The following CNTNAP4 variants were observed in gnomAD, a reference collection of about 807,000 sequenced individuals.
The protein encoded by CNTNAP4 is contactin-associated protein-like 4.
A neutral mutation model predicts 148.4 loss-of-function variants in CNTNAP4; 98 were observed. The observed-to-expected ratio is 0.66, with a 90% CI of 0.56 to 0.78. The LOEUF (loss-of-function observed/expected upper bound fraction) is 0.78. Among genes scored for constraint, CNTNAP4 ranks in the 30% least tolerant of loss-of-function variants. The probability of loss-of-function intolerance (pLI) is 0.00; values close to 1 mark genes in which losing one functional copy is unlikely to be tolerated. For missense variants in CNTNAP4, 1,935 were observed against 1,565.6 expected (o/e 1.24, Z -3.98); for synonymous variants, 730 against 565.1 (o/e 1.29, Z -4.14).
intron 15 of CNTNAP4, among the ~76,000 whole-genome samples, chr16:76,516,003 C>A (rs928832423): frequency 6.6e-6 from 1 of 152,106 alleles, no homozygotes; most frequent in African/African-American, 2.4e-5. Context: ...TGTGTATGTG[C>A]CACAGGCGTT....
At chr16:76,530,939 C>G (rs76020508) in intron 17 of CNTNAP4, among the ~76,000 whole-genome samples, 1 of 152,278 alleles carries the variant, frequency 6.6e-6, no homozygotes, top group East Asian at 1.9e-4. Flanking sequence ...TCCCTTCAAT[C>G]TCCTGACTTG....
chr16:76,359,420 G>A (rs2013129782), intron 3 of CNTNAP4, among the ~76,000 whole-genome samples: 1 of 151,542 alleles, frequency 6.6e-6, no homozygotes. Context: ...ATGCTGCAGG[G>A]AAAATTCTTC....
At chr16:76,284,307 T>G (rs1958799360) in intron 1 of CNTNAP4, among the ~76,000 whole-genome samples, 1 of 151,868 alleles carries the variant, frequency 6.6e-6, no homozygotes, top group Admixed American at 6.6e-5. Flanking sequence ...CAGTTAGGAA[T>G]ATTTAGGAAT....
intron 17 of CNTNAP4, among the ~76,000 whole-genome samples, chr16:76,525,589 T>A (rs923285584): frequency 6.8e-6 from 1 of 146,262 alleles, no homozygotes; most frequent in Non-Finnish European, 1.5e-5. Flanking sequence ...ATATAAAAAA[T>A]TTTATATAAC....
chr16:76,394,086 C>A (rs1487258985), intron 3 of CNTNAP4, among the ~76,000 whole-genome samples: 1 of 152,142 alleles, frequency 6.6e-6, no homozygotes, highest in Non-Finnish European at 1.5e-5. Context: ...CTTATTATGG[C>A]AAGCTCTGGC....
intron 3 of CNTNAP4, among the ~76,000 whole-genome samples, chr16:76,420,362 T>A (rs949801452): frequency 7.9e-6 from 1 of 126,034 alleles, no homozygotes; most frequent in African/African-American, 2.6e-5. Flanking sequence ...AAGAAAAAAA[T>A]GAATAGACAA....
intron 10 of CNTNAP4, among the ~76,000 whole-genome samples, chr16:76,468,429 A>G (rs2081252733): frequency 6.6e-6 from 1 of 152,036 alleles, no homozygotes; most frequent in Non-Finnish European, 1.5e-5. Flanking sequence ...AGCCAAGATC[A>G]CGCCATTGCA....
intron 14 of CNTNAP4, 73 bp downstream of exon 14, chr16:76,495,139 C>A: frequency 1.3e-6 from 2 of 1,495,712 alleles, no homozygotes; most frequent in African/African-American, 1.4e-5. Flanking sequence ...GTATGTATAG[C>A]TAGCCAGATA....
intron 10 of CNTNAP4, among the ~76,000 whole-genome samples, chr16:76,470,021 G>A (rs11645179): frequency 0.016 from 2,422 of 152,198 alleles, 31 homozygotes; most frequent in Middle Eastern, 0.031. Context: ...TGTGTACCAG[G>A]CCTTATGCTA....
chr16:76,495,515 A>G (rs570534994), intron 14 of CNTNAP4, among the ~76,000 whole-genome samples: 6 of 152,236 alleles, frequency 3.9e-5, no homozygotes, highest in African/African-American at 1.4e-4. Flanking sequence ...CATACCACAA[A>G]GAACTAATGT....
chr16:76,475,873 TA>T, intron 10 of CNTNAP4, 65 bp from the exon 11 acceptor site: 4 of 1,093,508 alleles, frequency 3.7e-6, no homozygotes, highest in South Asian at 2.7e-5. Context: ...TGACCAAGTA[TA>T]AATGGTCAAT....
chr16:76,552,535 A>G (rs1299931560), intron 21 of CNTNAP4, among the ~76,000 whole-genome samples: 1 of 152,230 alleles, frequency 6.6e-6, no homozygotes, highest in East Asian at 1.9e-4. Context: ...TCTCCGTTCC[A>G]CAAGAGTCTC....
intron 3 of CNTNAP4, among the ~76,000 whole-genome samples, chr16:76,400,768 T>C (rs1475323913): frequency 6.6e-6 from 1 of 152,210 alleles, no homozygotes; most frequent in Non-Finnish European, 1.5e-5. Context: ...GCTAGCTGGC[T>C]ATCTCAGCAC....
chr16:76,494,919 C>G lies in CNTNAP4; in HGVS notation c.2090C>G (p.Pro697Arg). 6.2e-7 allele frequency: 1 copy of G among 1,613,190 alleles called. No homozygotes were observed. The highest frequency in any genetic ancestry group is 1.1e-5 in the South Asian group (1 of 91,032). ...CACGTTTTTCTTTCAGATGGAACCC[C>G]TCTGAGTTGGTGGGTAGGAAGAACC... ...SRLVNKQDGT[P>R]LSWWVGRTNE... Residue 697 changes from proline (P) to arginine (R), a missense_variant, in exon 14 of 24, where the codon CCT (proline) becomes CGT (arginine). Pro to Arg is a moderately radical substitution (Grantham distance 103). Transcript: ENST00000611870.
At chr16:76,331,668 C>G (rs183925102) in intron 2 of CNTNAP4, among the ~76,000 whole-genome samples, 1 of 152,030 alleles carries the variant, frequency 6.6e-6, no homozygotes, top group African/African-American at 2.4e-5. Context: ...AAATTATATC[C>G]TTATGCATTG....
intron 2 of CNTNAP4, among the ~76,000 whole-genome samples, chr16:76,330,198 C>T (rs1224856972): frequency 6.6e-6 from 1 of 152,092 alleles, no homozygotes; most frequent in African/African-American, 2.4e-5. Flanking sequence ...TTTTTTAAAT[C>T]ACCATAGTTT....
Position 76,539,814 on chromosome 16 carries a change from A to C in CNTNAP4, c.3316A>C (p.Ile1106Leu). The change falls in exon 20 of 24, where the codon ATA (isoleucine) becomes CTA (leucine). Residue 1106 changes from isoleucine (I) to leucine (L), a missense_variant. By Grantham distance (5) the Ile-to-Leu change is conservative. Coordinates refer to ENST00000611870, the MANE Select transcript of CNTNAP4 (RefSeq NM_033401.5). ...CATGGCTGATGGACAACTTCACCAC[A>C]TAATGATTAACAGAGAAGAAGGAGT... The part of the protein sequence containing the change: ...KNMADGQLHH[I>L]MINREEGVVF... The C allele has an allele frequency of 6.2e-7, 1 of 1,602,004 alleles. No homozygotes were observed. The highest frequency in any genetic ancestry group is 8.5e-7 in the Non-Finnish European group (1 of 1,175,254).
At chr16:76,365,848 A>G (rs1369846472) in intron 3 of CNTNAP4, among the ~76,000 whole-genome samples, 1 of 152,054 alleles carries the variant, frequency 6.6e-6, no homozygotes, top group South Asian at 2.1e-4. Flanking sequence ...TAATTTTTAA[A>G]TTCTTAAGTT....
At chr16:76,467,325 G>A (rs72797097) in intron 9 of CNTNAP4, 27 bp from the exon 10 acceptor site, 224,408 of 1,600,474 alleles carry the variant, frequency 0.14, 17,510 homozygotes, top group Middle Eastern at 0.17. Context: ...ATTGTGATGC[G>A]TACTGGATTT....
Sources: allele counts gnomAD v4.1 joint callset (sites outside exome capture counted in the v4.1 genomes callset), GRCh38; gene constraint gnomAD v4.1.1; transcripts MANE v1.5; gene names NCBI Gene and HGNC (gene_info 2026-07-23, HGNC 2026-07-21).